LRMDA: variants seen among roughly 807,000 people sequenced by gnomAD.
LRMDA encodes the protein leucine rich melanocyte differentiation associated.
LRMDA carries 18 observed loss-of-function variants against 29.8 expected under a neutral mutation model. That is an observed-to-expected ratio of 0.60 (90% confidence interval 0.42 to 0.90). The LOEUF (loss-of-function observed/expected upper bound fraction) is 0.90, where lower values mean the gene tolerates loss of function less well. Among genes scored for constraint, LRMDA ranks in the 40% least tolerant of loss-of-function variants. The pLI is 0.00. For synonymous variants in LRMDA, 125 were observed against 109.4 expected (o/e 1.14, Z -0.89); for missense variants, 273 against 273.9 (o/e 1.00, Z 0.02).
chr10:76,268,234 A>G (rs1840028551), intron 5 of LRMDA, among the ~76,000 whole-genome samples: 1 of 152,158 alleles, frequency 6.6e-6, no homozygotes, highest in Admixed American at 6.5e-5. Flanking sequence ...CTGGGCTAAA[A>G]CTGCTTCTAA....
intron 5 of LRMDA, among the ~76,000 whole-genome samples, chr10:76,190,874 G>A (rs965872434): frequency 3.3e-5 from 5 of 152,210 alleles, no homozygotes; most frequent in Non-Finnish European, 1.5e-5. Context: ...CACTGGGGCA[G>A]CTCTTACAGG....
At chr10:75,573,330 T>G (rs2132071578) in intron 2 of LRMDA, among the ~76,000 whole-genome samples, 1 of 152,324 alleles carries the variant, frequency 6.6e-6, no homozygotes, top group Non-Finnish European at 1.5e-5. Flanking sequence ...TTATTTATTT[T>G]TCCCCAGTTC....
At chr10:75,996,850 A>G (rs993343894) in intron 2 of LRMDA, among the ~76,000 whole-genome samples, 7 of 150,882 alleles carry the variant, frequency 4.6e-5, no homozygotes, top group African/African-American at 1.7e-4. Context: ...CTCCTGCCTC[A>G]GCCTCCCGAG....
intron 2 of LRMDA, among the ~76,000 whole-genome samples, chr10:75,735,522 A>G (rs1010181326): frequency 2.0e-5 from 3 of 152,166 alleles, no homozygotes; most frequent in African/African-American, 2.4e-5. Flanking sequence ...GTACTGAGGG[A>G]TATTCTCAGT....
intron 4 of LRMDA, among the ~76,000 whole-genome samples, chr10:76,056,367 C>G (rs560127682): frequency 6.6e-6 from 1 of 152,366 alleles, no homozygotes; most frequent in South Asian, 2.1e-4. Flanking sequence ...GGTAGCCCAG[C>G]CCCTATGCTT....
intron 5 of LRMDA, among the ~76,000 whole-genome samples, chr10:76,194,778 T>C (rs1010312980): frequency 6.6e-6 from 1 of 152,170 alleles, no homozygotes; most frequent in African/African-American, 2.4e-5. Flanking sequence ...AAAGGAGTTA[T>C]ATGAAAAAGG....
Position 75,440,649 on chromosome 10 carries a change from T to C in LRMDA, c.131+2155T>C, listed in dbSNP as rs529726554. On this transcript the variant is annotated intron_variant, in intron 2 of 6. Transcript: ENST00000611255. ...ATTTCTCTTGGGTGTTAGAAGAAGA[T>C]TCGAGCTTATTTGGGCACTGGTCTC... Among the ~76,000 whole-genome samples the C allele has an allele frequency of 3.3e-5, 5 of 152,256 alleles. No homozygotes were observed. The South Asian group carries it at 1.0e-3, about 32-fold the overall frequency.
intron 2 of LRMDA, chr10:75,449,958 C>T (rs761020514): frequency 6.6e-6 from 1 of 152,090 alleles, no homozygotes; most frequent in Non-Finnish European, 1.5e-5. Flanking sequence ...AACTCACTTG[C>T]CTGCACACAC....
chr10:75,872,471 T>C (rs528786527), intron 2 of LRMDA, among the ~76,000 whole-genome samples: 1 of 152,104 alleles, frequency 6.6e-6, no homozygotes, highest in South Asian at 2.1e-4. Flanking sequence ...GCCTGGTTAA[T>C]TTTTTTGTAT....
Position 75,802,334 on chromosome 10 carries a change from C to T in LRMDA, c.132-233674C>T, listed in dbSNP as rs548945768. 4.7e-3 allele frequency among the ~76,000 whole-genome samples: 537 copies of T among 113,700 alleles called. 6 individuals carry two copies. Among genetic ancestry groups the T allele is most frequent in the African/African-American group, 0.015 (494 of 32,596 alleles). 74.6% of individuals were successfully genotyped at this position (113,700 alleles called of 152,430 possible). A position where few individuals can be genotyped will look rare whatever the true frequency, so the allele number is the denominator to read the frequency against. On this transcript the variant is annotated intron_variant, in intron 2 of 6. Coordinates refer to ENST00000611255, the MANE Select transcript of LRMDA (RefSeq NM_001305581.2). ...CCCTATCTCTAAACACACACACACG[C>T]GCACACACACACACACACACACACA...
At chr10:75,776,622 A>G (rs1369016653) in intron 2 of LRMDA, among the ~76,000 whole-genome samples, 1 of 152,184 alleles carries the variant, frequency 6.6e-6, no homozygotes, top group East Asian at 1.9e-4. Flanking sequence ...CCCCTAAGTA[A>G]ATCAATTGGA....
chr10:75,452,813 C>T (rs1844475676), intron 2 of LRMDA, among the ~76,000 whole-genome samples: 2 of 152,116 alleles, frequency 1.3e-5, no homozygotes, highest in Non-Finnish European at 2.9e-5. Context: ...TTTCCAACTG[C>T]ATTAAAAAAG....
intron 2 of LRMDA, among the ~76,000 whole-genome samples, chr10:75,533,856 G>A (rs1409025910): frequency 5.9e-5 from 9 of 152,176 alleles, no homozygotes; most frequent in African/African-American, 1.2e-4. Flanking sequence ...AGGAGGTGAC[G>A]TTTGGAGGGG....
At chr10:75,594,048 T>C (rs781457253) in intron 2 of LRMDA, among the ~76,000 whole-genome samples, 7 of 152,190 alleles carry the variant, frequency 4.6e-5, no homozygotes, top group Admixed American at 6.5e-5. Context: ...AAGTTGGTCC[T>C]TTTGTCCCAG....
At chr10:76,017,810 C>A (rs1847903088) in intron 2 of LRMDA, among the ~76,000 whole-genome samples, 1 of 152,132 alleles carries the variant, frequency 6.6e-6, no homozygotes, top group Non-Finnish European at 1.5e-5. Context: ...GCTTCCAGGG[C>A]AGATGTGCAA....
chr10:76,304,274 G>A (rs973533627), intron 5 of LRMDA, among the ~76,000 whole-genome samples: 1 of 152,132 alleles, frequency 6.6e-6, no homozygotes, highest in Admixed American at 6.5e-5. Flanking sequence ...CCAGACAGAC[G>A]CCACTGAATG....
At chr10:75,544,123 G>T (rs188904887) in intron 2 of LRMDA, among the ~76,000 whole-genome samples, 1 of 152,250 alleles carries the variant, frequency 6.6e-6, no homozygotes, top group Admixed American at 6.5e-5. Context: ...GTGTGTGTTT[G>T]TGTCCATGTG....
intron 5 of LRMDA, among the ~76,000 whole-genome samples, chr10:76,134,172 A>T (rs1219438718): frequency 1.3e-5 from 2 of 148,600 alleles, no homozygotes; most frequent in Non-Finnish European, 2.9e-5. Flanking sequence ...CCTGACAAAG[A>T]TGAATCACGG....
At chr10:75,516,779 C>T (rs1231293373) in intron 2 of LRMDA, among the ~76,000 whole-genome samples, 12 of 152,094 alleles carry the variant, frequency 7.9e-5, no homozygotes, top group Admixed American at 7.9e-4. Context: ...CTTGCCCATG[C>T]CTATGTCCTG....
Sources: gnomAD v4.1 joint callset for allele counts (sites outside exome capture counted in the v4.1 genomes callset) on GRCh38, gnomAD v4.1.1 for gene constraint, MANE v1.5 for transcripts, NCBI Gene and HGNC (gene_info 2026-07-23, HGNC 2026-07-21) for gene names.